The following RIGI variants were observed in gnomAD, a reference collection of about 807,000 sequenced individuals.
RIGI encodes the protein antiviral innate immune response receptor RIG-I.
At chr9:32,499,422 A>G in the RIGI span, among the ~76,000 whole-genome samples, 1 of 146,538 alleles carries the variant, frequency 6.8e-6, no homozygotes, top group Non-Finnish European at 1.5e-5. Flanking sequence ...CATAAAAGTT[A>G]GCGTTTGTTT....
chr9:32,489,913 C>T, the RIGI span, among the ~76,000 whole-genome samples: 2 of 152,314 alleles, frequency 1.3e-5, no homozygotes, highest in East Asian at 3.9e-4. Context: ...TTTCTCTCAA[C>T]ATAACCAGAA....
chr9:32,470,380 G>A, the RIGI span, among the ~76,000 whole-genome samples: 1 of 152,158 alleles, frequency 6.6e-6, no homozygotes. Flanking sequence ...ACCCAACACT[G>A]CCATTATAGT....
chr9:32,490,313 G>A, the RIGI span, among the ~76,000 whole-genome samples: 3 of 152,192 alleles, frequency 2.0e-5, no homozygotes, highest in Admixed American at 2.0e-4. Context: ...AGGTTGCAGT[G>A]AGCTGAGATT....
At chr9:32,525,803 TC>T in the RIGI span, among the ~76,000 whole-genome samples, 1 of 152,250 alleles carries the variant, frequency 6.6e-6, no homozygotes, top group East Asian at 1.9e-4. Context: ...AAACAAAATT[TC>T]TTCCCCAGCT....
chr9:32,487,479 G>C, the RIGI span: 1 of 1,613,934 alleles, frequency 6.2e-7, no homozygotes, highest in Admixed American at 1.7e-5. Context: ...ACACTTCTGG[G>C]GCTTATAAAC....
the RIGI span, among the ~76,000 whole-genome samples, chr9:32,476,344 A>T: frequency 6.6e-6 from 1 of 151,976 alleles, no homozygotes; most frequent in East Asian, 1.9e-4. Context: ...AAAATAAATA[A>T]ACAAATTAGC....
chr9:32,523,167 A>T, the RIGI span, among the ~76,000 whole-genome samples: 1 of 152,164 alleles, frequency 6.6e-6, no homozygotes, highest in Non-Finnish European at 1.5e-5. Context: ...CCTTTGCTGC[A>T]GCTCCCAATT....
At chr9:32,485,750 A>G in the RIGI span, among the ~76,000 whole-genome samples, 1 of 151,990 alleles carries the variant, frequency 6.6e-6, no homozygotes, top group East Asian at 1.9e-4. Flanking sequence ...CATATTGGCC[A>G]GGCTGGTCTC....
the RIGI span, among the ~76,000 whole-genome samples, chr9:32,510,034 G>A: frequency 6.6e-6 from 1 of 151,874 alleles, no homozygotes; most frequent in Non-Finnish European, 1.5e-5. Context: ...GACAAGATTA[G>A]AGAAAAAAAG....
chr9:32,490,526 C>T, the RIGI span, among the ~76,000 whole-genome samples: 2 of 151,872 alleles, frequency 1.3e-5, no homozygotes, highest in African/African-American at 2.4e-5. Context: ...AACAAAAAAA[C>T]TTGTAACATT....
chr9:32,472,398 A>G, the RIGI span, among the ~76,000 whole-genome samples: 6 of 152,188 alleles, frequency 3.9e-5, no homozygotes, highest in East Asian at 5.8e-4. Flanking sequence ...GAGCATTGTG[A>G]TGGCTTTTTG....
chr9:32,476,633 A>G, the RIGI span, among the ~76,000 whole-genome samples: 1 of 151,838 alleles, frequency 6.6e-6, no homozygotes, highest in African/African-American at 2.4e-5. Context: ...TCTTGACCGT[A>G]GAGAGAAAAC....
At chr9:32,487,666 G>A in the RIGI span, 2 of 1,605,020 alleles carry the variant, frequency 1.2e-6, no homozygotes, top group Non-Finnish European at 1.7e-6. Context: ...TTAGATGTCT[G>A]AGAAATGGTA....
the RIGI span, chr9:32,493,650 T>G: frequency 2.9e-6 from 2 of 699,618 alleles, no homozygotes; most frequent in Non-Finnish European, 4.5e-6. Flanking sequence ...ATTCTATGAG[T>G]ACTTTTGTGG....
At chr9:32,457,917 A>G in the RIGI span, among the ~76,000 whole-genome samples, 13 of 152,222 alleles carry the variant, frequency 8.5e-5, no homozygotes, top group Non-Finnish European at 1.8e-4. Flanking sequence ...CAGATCCAAC[A>G]TACTAGTCCC....
At chr9:32,466,962 A>C in the RIGI span, among the ~76,000 whole-genome samples, 1 of 152,192 alleles carries the variant, frequency 6.6e-6, no homozygotes, top group African/African-American at 2.4e-5. Context: ...CTTCATAACC[A>C]GCAAAACATA....
chr9:32,481,742 C>T, the RIGI span, among the ~76,000 whole-genome samples: 9 of 152,234 alleles, frequency 5.9e-5, no homozygotes, highest in South Asian at 4.1e-4. Flanking sequence ...TGTGCCATCA[C>T]GCCTGGCTAA....
the RIGI span, chr9:32,481,631 G>A: frequency 1.5e-6 from 1 of 648,372 alleles, no homozygotes; most frequent in Non-Finnish European, 2.5e-6. Flanking sequence ...TGATGCCCAG[G>A]CTGTAGTACA....
chr9:32,495,313 T>C, the RIGI span, among the ~76,000 whole-genome samples: 2 of 152,118 alleles, frequency 1.3e-5, no homozygotes, highest in Non-Finnish European at 2.9e-5. Context: ...GCAATTCTCC[T>C]GCCTCAGCCT....
Sources: allele counts gnomAD v4.1 joint callset (sites outside exome capture counted in the v4.1 genomes callset), GRCh38; gene constraint gnomAD v4.1.1; transcripts MANE v1.5; gene names NCBI Gene and HGNC (gene_info 2026-07-23, HGNC 2026-07-21).